The following SYNE2 variants were observed in gnomAD, a reference collection of about 807,000 sequenced individuals.
SYNE2 encodes spectrin repeat containing nuclear envelope protein 2, also known as nesprin-2.
Under a neutral mutation model 856.3 loss-of-function variants are expected in SYNE2, and 431 were observed. That is an observed-to-expected ratio of 0.50 (90% CI 0.47 to 0.55). The LOEUF is 0.55. Ranked by LOEUF, SYNE2 falls within the 20% of genes least tolerant of loss-of-function variation. The probability of loss-of-function intolerance (pLI) is 0.00; values close to 1 mark genes in which losing one functional copy is unlikely to be tolerated. For missense variants in SYNE2, 8,129 were observed against 8,023.2 expected (o/e 1.01, Z -0.50); for synonymous variants, 2,923 against 2,872.3 (o/e 1.02, Z -0.56).
chr14:64,080,076 T>C (rs997402225), intron 55 of SYNE2, among the ~76,000 whole-genome samples: 10 of 151,766 alleles, frequency 6.6e-5, no homozygotes, highest in Non-Finnish European at 2.9e-5. Context: ...CGCGTGCGTG[T>C]GTGTGTATGA....
chr14:64,071,450 C>T (rs1255963), intron 52 of SYNE2, among the ~76,000 whole-genome samples: 111,510 of 151,770 alleles, frequency 0.73, 43,461 homozygotes, highest in Non-Finnish European at 0.87. Context: ...GCCGAGATCG[C>T]GCCACTGCAC....
At chr14:64,190,941 A>T in intron 99 of SYNE2, 4 of 701,888 alleles carry the variant, frequency 5.7e-6, no homozygotes, top group Non-Finnish European at 1.0e-5. Flanking sequence ...ATGTTTTTTC[A>T]GTGGCCACGT....
intron 1 of SYNE2, among the ~76,000 whole-genome samples, chr14:63,867,243 A>C (rs1218876549): frequency 4.6e-5 from 7 of 152,176 alleles, no homozygotes; most frequent in Non-Finnish European, 1.5e-5. Context: ...TTACCCCATG[A>C]TTCTGTACAG....
chr14:64,076,049 TGAA>T lies in SYNE2; in HGVS notation c.10972_10974del (p.Glu3658del). The T allele has an allele frequency of 6.2e-7, 1 of 1,613,950 alleles. No homozygotes were observed. Among genetic ancestry groups the T allele is most frequent in the Non-Finnish European group, 8.5e-7 (1 of 1,179,872 alleles). On this transcript the variant is annotated inframe_deletion, in exon 54 of 116. Coordinates refer to ENST00000555002, the MANE Select transcript of SYNE2 (RefSeq NM_182914.3). The stretch of plus-strand genomic sequence containing the variant: ...TGTACACCATAGTCCCTGCAGAGAT[TGAA>T]TCCCAGGTGGAAGAATGCAGAAAAG...
intron 2 of SYNE2, 38 bp downstream of exon 2, chr14:63,909,265 T>C (rs990817960): frequency 6.9e-7 from 1 of 1,450,274 alleles, no homozygotes; most frequent in Non-Finnish European, 9.7e-7. Flanking sequence ...CCACAGAAAC[T>C]GGGGAAACCT....
intron 2 of SYNE2, among the ~76,000 whole-genome samples, chr14:63,926,016 T>A (rs1383761194): frequency 6.6e-6 from 1 of 151,934 alleles, no homozygotes; most frequent in Admixed American, 6.6e-5. Context: ...TAATTTTTCA[T>A]ATTTTTTTGT....
At chr14:63,850,779 T>C (rs1486459635), upstream of SYNE2, among the ~76,000 whole-genome samples, 1 of 152,160 alleles carries the variant, frequency 6.6e-6, no homozygotes, top group Non-Finnish European at 1.5e-5. Context: ...CTAGACAACA[T>C]GGAGCAACAG....
rs763523378 is a variant in SYNE2, at chr14:64,208,936, G to A, written c.18380G>A (p.Arg6127Gln). Reference sequence around the variant, plus strand: ...AACATTTGTGCCATGTCCATGGAGCGGCGCATGAAGTAAGAACTAAGCTCC... The same window carrying A: ...AACATTTGTGCCATGTCCATGGAGCAGCGCATGAAGTAAGAACTAAGCTCC... ...WRNICAMSME[R>Q]RMKIEETWRL... is the part of the protein sequence containing the mutation. The change falls in exon 101 of 116, where the codon CGG becomes CAG. Residue 6127 changes from arginine to glutamine, a missense_variant. Physicochemically the swap from Arg to Gln is conservative, Grantham distance 43. Transcript: ENST00000555002. The A allele has an allele frequency of 2.3e-5, 37 of 1,613,938 alleles. No homozygotes were observed. The highest frequency in any genetic ancestry group is 3.0e-5 in the Non-Finnish European group (35 of 1,179,980).
intron 50 of SYNE2, among the ~76,000 whole-genome samples, chr14:64,064,559 T>A (rs1476909574): frequency 2.0e-5 from 3 of 149,614 alleles, no homozygotes; most frequent in African/African-American, 7.4e-5. Flanking sequence ...TTTTTTTTTT[T>A]TTTTTTTTAA....
At chr14:64,139,018 G>A (rs1168102923) in intron 79 of SYNE2, among the ~76,000 whole-genome samples, 1 of 151,130 alleles carries the variant, frequency 6.6e-6, no homozygotes, top group African/African-American at 2.4e-5. Flanking sequence ...GGGTCTCACT[G>A]TGTCACCCAG....
intron 1 of SYNE2, among the ~76,000 whole-genome samples, chr14:63,779,546 A>C (rs1887233600): frequency 2.0e-5 from 3 of 152,028 alleles, no homozygotes; most frequent in Admixed American, 1.3e-4. Flanking sequence ...GATCAGGAAC[A>C]AGCCAAGACG....
chr14:64,015,230 T>G (rs1358231265), intron 32 of SYNE2, among the ~76,000 whole-genome samples: 1 of 151,722 alleles, frequency 6.6e-6, no homozygotes, highest in African/African-American at 2.4e-5. Context: ...GAGTGTTTCT[T>G]TCTCTTCAGT....
chr14:64,182,902 C>T (rs921283548), intron 96 of SYNE2, among the ~76,000 whole-genome samples: 3 of 152,254 alleles, frequency 2.0e-5, no homozygotes, highest in African/African-American at 7.2e-5. Context: ...CTGTTGGGTA[C>T]ACCTCCTAGA....
chr14:63,765,799 TAA>T (rs34978457), intron 1 of SYNE2, among the ~76,000 whole-genome samples: 29,778 of 152,066 alleles, frequency 0.2, 3,208 homozygotes, highest in African/African-American at 0.28. Context: ...TGCGAAACAT[TAA>T]GTTTCATTTT....
chr14:63,893,253 G>A (rs562788197), intron 1 of SYNE2, among the ~76,000 whole-genome samples: 1 of 152,320 alleles, frequency 6.6e-6, no homozygotes, highest in South Asian at 2.1e-4. Flanking sequence ...CGGAGAAGCT[G>A]AAGGTTATAG....
chr14:63,791,544 G>T (rs2139767667), intron 1 of SYNE2, among the ~76,000 whole-genome samples: 2 of 152,168 alleles, frequency 1.3e-5, no homozygotes, highest in East Asian at 1.9e-4. Context: ...GTATATCATA[G>T]CAAATTTGCT....
intron 1 of SYNE2, among the ~76,000 whole-genome samples, chr14:63,898,147 A>ACT (rs2095283774): frequency 6.6e-6 from 1 of 151,716 alleles, no homozygotes; most frequent in South Asian, 2.1e-4. Flanking sequence ...CAGTCTGTAC[A>ACT]CTCTCTCATT....
intron 1 of SYNE2, among the ~76,000 whole-genome samples, chr14:63,871,171 A>G (rs1896733456): frequency 1.3e-5 from 2 of 152,098 alleles, no homozygotes; most frequent in East Asian, 1.9e-4. Flanking sequence ...CAAACTCAAG[A>G]AGGACAGAAA....
chr14:63,948,937 T>C (rs1208237201), intron 6 of SYNE2, among the ~76,000 whole-genome samples: 1 of 151,340 alleles, frequency 6.6e-6, no homozygotes, highest in Non-Finnish European at 1.5e-5. Flanking sequence ...TCACAATTGC[T>C]GCAGCTTGAT....
Sources: allele counts gnomAD v4.1 joint callset (sites outside exome capture counted in the v4.1 genomes callset), GRCh38; gene constraint gnomAD v4.1.1; transcripts MANE v1.5; gene names NCBI Gene and HGNC (gene_info 2026-07-23, HGNC 2026-07-21).